Variants in CLYBL observed in about 807,000 individuals in gnomAD.
CLYBL encodes the protein citramalyl-CoA lyase, also known as citramalyl-CoA lyase, mitochondrial.
CLYBL carries 31 observed loss-of-function variants against 38.9 expected under a neutral mutation model. The observed-to-expected ratio is 0.80, with a 90% CI of 0.60 to 1.08. CLYBL has a LOEUF of 1.08. Ranked by LOEUF, CLYBL falls within the 50% of genes least tolerant of loss-of-function variation. The pLI, the probability that CLYBL is intolerant of heterozygous loss-of-function variation, is 0.00. For missense variants in CLYBL, 434 were observed against 411.6 expected, an observed-to-expected ratio of 1.05 and a Z score of -0.47; for synonymous variants, 171 against 158.6, an observed-to-expected ratio of 1.08 and a Z score of -0.59.
chr13:99,773,786 G>A (rs7338186), intron 2 of CLYBL, among the ~76,000 whole-genome samples: 32,703 of 151,892 alleles, frequency 0.22, 4,404 homozygotes, highest in East Asian at 0.38. Flanking sequence ...TCTGGGATAC[G>A]TGTCAAGAGA....
At chr13:99,736,763 T>G (rs1463042572) in intron 1 of CLYBL, among the ~76,000 whole-genome samples, 1 of 152,194 alleles carries the variant, frequency 6.6e-6, no homozygotes. Context: ...CCTCTTATGC[T>G]GAATGAGCCC....
intron 7 of CLYBL, chr13:99,877,571 CTT>C (rs561372911): frequency 0.054 from 11,380 of 212,072 alleles, 188 homozygotes; most frequent in African/African-American, 0.1. Context: ...TTTTGTAATT[CTT>C]TTTTTTTTTT....
At chr13:99,827,770 C>T (rs1387321656) in intron 2 of CLYBL, among the ~76,000 whole-genome samples, 2 of 152,210 alleles carry the variant, frequency 1.3e-5, no homozygotes, top group African/African-American at 4.8e-5. Flanking sequence ...CTCGCTTTGT[C>T]CCGACAGGCG....
At chr13:99,805,580 G>C (rs1488411743) in intron 2 of CLYBL, among the ~76,000 whole-genome samples, 2 of 151,996 alleles carry the variant, frequency 1.3e-5, no homozygotes, top group Non-Finnish European at 2.9e-5. Context: ...GAGGAAGGAG[G>C]GGGTGGGGGA....
chr13:99,885,299 CAGG>C (rs1446138945), intron 7 of CLYBL, among the ~76,000 whole-genome samples: 2 of 152,264 alleles, frequency 1.3e-5, no homozygotes, highest in African/African-American at 4.8e-5. Context: ...CTGGAAGCAT[CAGG>C]AGGAGTTTGC....
intron 1 of CLYBL, among the ~76,000 whole-genome samples, chr13:99,628,063 A>G (rs1033880503): frequency 6.6e-6 from 1 of 152,328 alleles, no homozygotes. Context: ...AACCCATCGG[A>G]ACATTTTTAC....
At chr13:99,775,922 G>T (rs562209059) in intron 2 of CLYBL, among the ~76,000 whole-genome samples, 1 of 152,072 alleles carries the variant, frequency 6.6e-6, no homozygotes, top group Non-Finnish European at 1.5e-5. Context: ...CCAGCACTTT[G>T]GGAGGCTGAG....
intron 1 of CLYBL, among the ~76,000 whole-genome samples, chr13:99,710,070 G>A (rs1293032391): frequency 6.6e-6 from 1 of 151,782 alleles, no homozygotes; most frequent in South Asian, 2.1e-4. Flanking sequence ...GGCTACAGGC[G>A]CCCGCCACCA....
At chr13:99,818,203 A>G (rs2050499013) in intron 2 of CLYBL, among the ~76,000 whole-genome samples, 1 of 152,134 alleles carries the variant, frequency 6.6e-6, no homozygotes, top group Admixed American at 6.5e-5. Context: ...TCCTCCTGGC[A>G]CACAGATCTA....
At chr13:99,654,375 C>A (rs1160919357) in intron 1 of CLYBL, among the ~76,000 whole-genome samples, 1 of 152,152 alleles carries the variant, frequency 6.6e-6, no homozygotes, top group Non-Finnish European at 1.5e-5. Context: ...ATGTCCCACA[C>A]ATATGGGGCA....
intron 1 of CLYBL, among the ~76,000 whole-genome samples, chr13:99,697,193 A>C (rs767748455): frequency 2.6e-5 from 4 of 152,138 alleles, no homozygotes; most frequent in Middle Eastern, 3.2e-3. Context: ...TCATCTGTAA[A>C]ATGGGTATAA....
intron 1 of CLYBL, among the ~76,000 whole-genome samples, chr13:99,636,229 TACAA>T (rs1411479389): frequency 6.6e-6 from 1 of 152,240 alleles, no homozygotes; most frequent in African/African-American, 2.4e-5. Context: ...CCTGCACCTT[TACAA>T]ACACTTTACC....
chr13:99,903,507 G>A (rs149175671), intron 8 of CLYBL, among the ~76,000 whole-genome samples: 132 of 152,148 alleles, frequency 8.7e-4, no homozygotes, highest in East Asian at 6.2e-3. Flanking sequence ...CTCTCTATCC[G>A]TAAACATTTC....
At chr13:99,870,151 A>T (rs1309370440) in intron 6 of CLYBL, among the ~76,000 whole-genome samples, 1 of 152,140 alleles carries the variant, frequency 6.6e-6, no homozygotes, top group Non-Finnish European at 1.5e-5. Context: ...AGGGTGCTAT[A>T]AAGAGGGAAA....
At chr13:99,730,758 C>T (rs537893215) in intron 1 of CLYBL, among the ~76,000 whole-genome samples, 3 of 152,254 alleles carry the variant, frequency 2.0e-5, no homozygotes, top group East Asian at 1.9e-4. Flanking sequence ...GCTAAACACA[C>T]GGAACGGCCT....
At chr13:99,749,551 T>A (rs1048831608) in intron 1 of CLYBL, among the ~76,000 whole-genome samples, 4 of 152,192 alleles carry the variant, frequency 2.6e-5, no homozygotes, top group Non-Finnish European at 5.9e-5. Flanking sequence ...AGCAAAGCCA[T>A]GGTGGACCAC....
At chr13:99,637,812 A>G (rs1018434195) in intron 1 of CLYBL, among the ~76,000 whole-genome samples, 1 of 152,198 alleles carries the variant, frequency 6.6e-6, no homozygotes, top group African/African-American at 2.4e-5. Context: ...TATATTTATG[A>G]ATGATGTCTG....
At chr13:99,807,330 A>G (rs1468458728) in intron 2 of CLYBL, among the ~76,000 whole-genome samples, 1 of 152,180 alleles carries the variant, frequency 6.6e-6, no homozygotes, top group Non-Finnish European at 1.5e-5. Context: ...GTCTGATTTG[A>G]CGCAGAATCC....
At chr13:99,687,516 A>C (rs575584088) in intron 1 of CLYBL, among the ~76,000 whole-genome samples, 1 of 152,340 alleles carries the variant, frequency 6.6e-6, no homozygotes, top group African/African-American at 2.4e-5. Flanking sequence ...TGTTTCACAG[A>C]AAATACAATT....
Sources: gnomAD v4.1 joint callset for allele counts (sites outside exome capture counted in the v4.1 genomes callset) on GRCh38, gnomAD v4.1.1 for gene constraint, MANE v1.5 for transcripts, NCBI Gene and HGNC (gene_info 2026-07-23, HGNC 2026-07-21) for gene names.